Variants in HORMAD2 observed in about 807,000 individuals in gnomAD.
The protein encoded by HORMAD2 is HORMA domain containing 2, also known as HORMA domain-containing protein 2.
A neutral mutation model predicts 38.8 loss-of-function variants in HORMAD2; 45 were observed. That is an observed-to-expected ratio of 1.16 (90% CI 0.91 to 1.49). The LOEUF (loss-of-function observed/expected upper bound fraction) is 1.49, where lower values mean the gene tolerates loss of function less well. HORMAD2 is among the 40% of genes most tolerant of loss of function. HORMAD2 has a pLI of 0.00. For synonymous variants in HORMAD2, 126 were observed against 122.8 expected (o/e 1.03, Z -0.17); for missense variants, 338 against 367.0 (o/e 0.92, Z 0.65).
At chr22:30,090,870 T>C (rs2068669267) in intron 1 of HORMAD2, among the ~76,000 whole-genome samples, 1 of 152,254 alleles carries the variant, frequency 6.6e-6, no homozygotes, top group African/African-American at 2.4e-5. Context: ...TGTTGAACTA[T>C]TTTAAAATAT....
intron 10 of HORMAD2, among the ~76,000 whole-genome samples, chr22:30,126,187 G>T (rs1276063167): frequency 6.7e-6 from 1 of 150,148 alleles, no homozygotes; most frequent in Non-Finnish European, 1.5e-5. Context: ...TTTTTGAGAC[G>T]GAGTCTCCCA....
intron 10 of HORMAD2, among the ~76,000 whole-genome samples, chr22:30,125,051 A>G (rs1290780619): frequency 6.6e-6 from 1 of 151,890 alleles, no homozygotes; most frequent in African/African-American, 2.4e-5. Context: ...TATTTTGCTC[A>G]TATTAAATAG....
intron 10 of HORMAD2, among the ~76,000 whole-genome samples, chr22:30,142,509 T>G (rs1046132683): frequency 6.6e-6 from 1 of 152,164 alleles, no homozygotes; most frequent in East Asian, 1.9e-4. Context: ...GTTTCTTTCT[T>G]GATCAGTTTT....
At chr22:30,140,535 A>G (rs1924003063) in intron 10 of HORMAD2, among the ~76,000 whole-genome samples, 1 of 152,126 alleles carries the variant, frequency 6.6e-6, no homozygotes, top group South Asian at 2.1e-4. Context: ...AATTTAGGCA[A>G]TTTCCATTTC....
At chr22:30,106,259 A>C (rs2146098057) in intron 5 of HORMAD2, among the ~76,000 whole-genome samples, 1 of 152,100 alleles carries the variant, frequency 6.6e-6, no homozygotes. Context: ...GATCTGCCCA[A>C]CTCAGCCTCC....
At chr22:30,099,289 C>T (rs565472263) in intron 3 of HORMAD2, among the ~76,000 whole-genome samples, 7 of 152,236 alleles carry the variant, frequency 4.6e-5, no homozygotes, top group South Asian at 2.1e-4. Context: ...TGTAGATTTG[C>T]GCTACGTTGT....
chr22:30,155,767 C>T (rs1416371802), intron 10 of HORMAD2, among the ~76,000 whole-genome samples: 1 of 152,172 alleles, frequency 6.6e-6, no homozygotes, highest in Admixed American at 6.5e-5. Flanking sequence ...AGCTTTATCA[C>T]TTTCTATATT....
rs1925614426 is a variant in HORMAD2 at position 30,163,966 on chromosome 22, A to G, written c.820-12097A>G. 2.0e-5 allele frequency among the ~76,000 whole-genome samples: 3 copies of G among 152,028 alleles called. No homozygotes were observed. The South Asian group carries it at 6.2e-4, about 31-fold the overall frequency. ...AATAATTCCTCATCTCCCTCTCCCCATAGTCCCTGGCAATCATCATTCTAT... is the reference window on the plus strand; with the variant it reads ...AATAATTCCTCATCTCCCTCTCCCCGTAGTCCCTGGCAATCATCATTCTAT... On this transcript the variant is annotated intron_variant, in intron 10 of 10. Coordinates refer to ENST00000336726, the MANE Select transcript of HORMAD2 (RefSeq NM_152510.4).
intron 10 of HORMAD2, among the ~76,000 whole-genome samples, chr22:30,167,035 AAT>A (rs1310390618): frequency 7.2e-5 from 11 of 152,242 alleles, no homozygotes; most frequent in African/African-American, 2.7e-4. Flanking sequence ...GTCCAAAAGC[AAT>A]ATGAGTGGTC....
chr22:30,170,247 T>A (rs777463045), intron 10 of HORMAD2, among the ~76,000 whole-genome samples: 7 of 152,164 alleles, frequency 4.6e-5, no homozygotes, highest in Non-Finnish European at 8.8e-5. Flanking sequence ...AATTTTGAAG[T>A]GAGCAAAATT....
At chr22:30,205,467 G>A in the HORMAD2 span, among the ~76,000 whole-genome samples, 6 of 152,104 alleles carry the variant, frequency 3.9e-5, no homozygotes, top group African/African-American at 9.7e-5. Context: ...AGAGAAGGCC[G>A]GTGACTGGCC....
At chr22:30,206,175 TTTG>T in the HORMAD2 span, among the ~76,000 whole-genome samples, 2 of 152,054 alleles carry the variant, frequency 1.3e-5, no homozygotes, top group Admixed American at 1.3e-4. Flanking sequence ...TTTGTTTTGT[TTTG>T]TTTTTTGAGA....
At chr22:30,145,427 G>A (rs1171738611) in intron 10 of HORMAD2, among the ~76,000 whole-genome samples, 2 of 151,872 alleles carry the variant, frequency 1.3e-5, no homozygotes, top group East Asian at 1.9e-4. Flanking sequence ...AAATAAAAGG[G>A]GAAAAGCTAT....
At chr22:30,160,066 G>T (rs934490497) in intron 10 of HORMAD2, among the ~76,000 whole-genome samples, 1 of 151,824 alleles carries the variant, frequency 6.6e-6, no homozygotes, top group Non-Finnish European at 1.5e-5. Flanking sequence ...CCTTTATTTA[G>T]CCCTGACTTC....
At chr22:30,125,216 CTTTTTTTTTTTTTT>C (rs1167990121) in intron 10 of HORMAD2, among the ~76,000 whole-genome samples, 1 of 43,484 alleles carries the variant, frequency 2.3e-5, no homozygotes, top group Non-Finnish European at 4.0e-5. Context: ...TTTTTCTTTT[CTTTTTTTTTTTTTT>C]TTTTTTTTTT....
At chr22:30,139,044 G>A (rs1366486621) in intron 10 of HORMAD2, among the ~76,000 whole-genome samples, 1 of 151,468 alleles carries the variant, frequency 6.6e-6, no homozygotes, top group Non-Finnish European at 1.5e-5. Flanking sequence ...GAGCGGGAGG[G>A]AATGCTCCAG....
At chr22:30,167,193 C>T (rs1343073233) in intron 10 of HORMAD2, among the ~76,000 whole-genome samples, 5 of 152,176 alleles carry the variant, frequency 3.3e-5, no homozygotes, top group African/African-American at 1.2e-4. Flanking sequence ...TCTCTTCTGT[C>T]TGTGTTCACA....
At chr22:30,100,525 G>A (rs1303052366) in intron 3 of HORMAD2, among the ~76,000 whole-genome samples, 1 of 152,162 alleles carries the variant, frequency 6.6e-6, no homozygotes, top group African/African-American at 2.4e-5. Flanking sequence ...ATAGGCATGG[G>A]CAAAGACTTC....
At chr22:30,157,061 G>A (rs1925123348) in intron 10 of HORMAD2, among the ~76,000 whole-genome samples, 1 of 152,166 alleles carries the variant, frequency 6.6e-6, no homozygotes, top group South Asian at 2.1e-4. Context: ...TTCCTTGGAA[G>A]CTGTAGATGC....
Sources: gnomAD v4.1 joint callset for allele counts (sites outside exome capture counted in the v4.1 genomes callset) on GRCh38, gnomAD v4.1.1 for gene constraint, MANE v1.5 for transcripts, NCBI Gene and HGNC (gene_info 2026-07-23, HGNC 2026-07-21) for gene names.